Variants in BTBD8 observed in about 807,000 individuals in gnomAD.
The protein encoded by BTBD8 is BTB domain containing 8, also known as BTB/POZ domain-containing protein 8.
A neutral mutation model predicts 162.9 loss-of-function variants in BTBD8; 110 were observed. The ratio of observed to expected loss-of-function variants is 0.68; its 90% CI spans 0.58 to 0.79. The LOEUF (loss-of-function observed/expected upper bound fraction) is 0.79, where lower values mean the gene tolerates loss of function less well. BTBD8 is among the 30% of genes least tolerant of loss of function. BTBD8 has a pLI of 0.00. For missense variants in BTBD8, 1,905 were observed against 2,085.4 expected (o/e 0.91, Z 1.68); for synonymous variants, 667 against 716.1 (o/e 0.93, Z 1.10).
At chr1:92,122,299 A>C (rs946598064) in intron 4 of BTBD8, among the ~76,000 whole-genome samples, 2 of 151,280 alleles carry the variant, frequency 1.3e-5, no homozygotes, top group African/African-American at 2.4e-5. Context: ...TTGCTCTGTC[A>C]CCAGGCTGGA....
At chr1:92,144,988 C>T (rs867087707) in intron 7 of BTBD8, among the ~76,000 whole-genome samples, 2 of 151,184 alleles carry the variant, frequency 1.3e-5, no homozygotes, top group Middle Eastern at 3.2e-3. Flanking sequence ...ATGAGTCTCA[C>T]TCATTCAGTC....
Position 92,176,921 on chromosome 1 carries a change from T to G in BTBD8, c.1728T>G (p.Asn576Lys), listed in dbSNP as rs1214541897. The G allele has an allele frequency of 6.5e-7, 1 of 1,538,860 alleles. No individual in the cohort carries two copies. The highest frequency in any genetic ancestry group is 2.1e-5 in the Admixed American group (1 of 47,938). Residue 576 changes from asparagine to lysine, a missense_variant, in exon 14 of 18, where the codon AAT (asparagine) becomes AAG (lysine). Physicochemically the swap from Asn to Lys is moderately conservative, Grantham distance 94 (BLOSUM62 0). Coordinates refer to ENST00000636805, the MANE Select transcript of BTBD8 (RefSeq NM_001376131.1). ...AGTGTTGGAGTTATCTCTCTACTAA[T>G]AAAAAGATGAAATCTGATGGATTAG... ...KKECWSYLST[N>K]KKMKSDGLGA...
chr1:92,094,019 G>A lies in BTBD8; in HGVS notation c.347+5124G>A, dbSNP rs540299066. Among the ~76,000 whole-genome samples, 4 of 152,330 alleles carry A rather than the reference G, an allele frequency of 2.6e-5. No individual in the cohort carries two copies. In the South Asian group the frequency reaches 8.3e-4, roughly 32 times the overall value. On this transcript the variant is annotated intron_variant, in intron 2 of 17. Coordinates refer to ENST00000636805, the MANE Select transcript of BTBD8 (RefSeq NM_001376131.1). ...GAATTAGACCCAGTATGGGAGAGTG[G>A]AGGAAGCACTGGACTTGGCAGTAAG... is the stretch of plus-strand genomic sequence containing the variant.
At chr1:92,172,324 A>C (rs1308641867) in intron 13 of BTBD8, among the ~76,000 whole-genome samples, 1 of 152,190 alleles carries the variant, frequency 6.6e-6, no homozygotes, top group Non-Finnish European at 1.5e-5. Flanking sequence ...CAAGATGAAA[A>C]GTTTTCTGTT....
At chr1:92,183,279 T>C (rs1041570541) in intron 17 of BTBD8, among the ~76,000 whole-genome samples, 11 of 152,150 alleles carry the variant, frequency 7.2e-5, no homozygotes, top group African/African-American at 2.2e-4. Context: ...ATTTAAAATA[T>C]GCAATAGTGG....
intron 6 of BTBD8, chr1:92,139,699 AT>A (rs1198761117): frequency 2.1e-6 from 1 of 483,154 alleles, no homozygotes; most frequent in Non-Finnish European, 2.9e-6. Context: ...TTATAGATCA[AT>A]AAATTGATTA....
chr1:92,125,337 A>C, intron 4 of BTBD8: 1 of 213,048 alleles, frequency 4.7e-6, no homozygotes, highest in South Asian at 7.6e-5. Flanking sequence ...AGAGAGGAGG[A>C]GCATAGCCTT....
intron 12 of BTBD8, among the ~76,000 whole-genome samples, chr1:92,169,725 CA>C: frequency 6.6e-6 from 1 of 152,056 alleles, no homozygotes; most frequent in Non-Finnish European, 1.5e-5. Context: ...TTTTATGAAG[CA>C]AACATTTTAG....
chr1:92,094,321 C>G (rs1648393713), intron 2 of BTBD8, among the ~76,000 whole-genome samples: 1 of 152,140 alleles, frequency 6.6e-6, no homozygotes, highest in African/African-American at 2.4e-5. Context: ...GTGACGTACC[C>G]TTTTTTGGTT....
At chr1:92,159,178 T>C (rs895387271) in intron 9 of BTBD8, among the ~76,000 whole-genome samples, 5 of 151,094 alleles carry the variant, frequency 3.3e-5, no homozygotes, top group Non-Finnish European at 7.4e-5. Flanking sequence ...TTCTTTCTTT[T>C]TTTTTTTTTC....
chr1:92,121,503 G>A (rs1037618104), intron 4 of BTBD8, among the ~76,000 whole-genome samples: 1 of 152,096 alleles, frequency 6.6e-6, no homozygotes, highest in African/African-American at 2.4e-5. Flanking sequence ...ATTCACTAGG[G>A]AAGTTATCTT....
chr1:92,158,732 A>G (rs923739680), intron 9 of BTBD8, among the ~76,000 whole-genome samples: 22 of 152,192 alleles, frequency 1.4e-4, no homozygotes, highest in African/African-American at 5.3e-4. Context: ...AAATCTCTAT[A>G]CTTTCCTCTC....
At chr1:92,150,667 G>A (rs1481317835) in intron 9 of BTBD8, 2 of 152,198 alleles carry the variant, frequency 1.3e-5, no homozygotes, top group Non-Finnish European at 2.9e-5. Context: ...ACCCTGGACA[G>A]GATACCATTC....
At chr1:92,124,019 T>C (rs183880376) in intron 4 of BTBD8, among the ~76,000 whole-genome samples, 240 of 152,270 alleles carry the variant, frequency 1.6e-3, no homozygotes, top group African/African-American at 5.5e-3. Flanking sequence ...AATCCTGGGT[T>C]ATCTACTAAA....
At chr1:92,166,912 T>G in intron 9 of BTBD8, 46 bp from the exon 10 acceptor site, 3 of 1,478,796 alleles carry the variant, frequency 2.0e-6, no homozygotes, top group Non-Finnish European at 2.7e-6. Context: ...AGTTATTTTA[T>G]TAGCAGTAAT....
At chr1:92,138,379 CATAAAATGCTAAAATT>C (rs1649684059) in intron 5 of BTBD8, among the ~76,000 whole-genome samples, 1 of 152,212 alleles carries the variant, frequency 6.6e-6, no homozygotes, top group African/African-American at 2.4e-5. Context: ...CACTATCTCT[CATAAAATGCTAAAATT>C]TTGTAGCATT....
rs17578364 is a variant in BTBD8, at chr1:92,182,079, T to G, written c.4396T>G (p.Phe1466Val). 0.06 allele frequency: 92,368 copies of G among 1,551,286 alleles called. 3,276 individuals carry two copies. The highest frequency in any genetic ancestry group is 0.11 in the Admixed American group (5,515 of 50,996). Reference sequence around the variant, plus strand: ...TCCCTTTCAGGCTTCTGTAGATTCTTTTTCACCTTCTGATGTTTTTGATGG... The same window carrying G: ...TCCCTTTCAGGCTTCTGTAGATTCTGTTTCACCTTCTGATGTTTTTGATGG... Reference protein sequence around the residue: ...HTPFQASVDSFSPSDVFDGIS... With the variant: ...HTPFQASVDSVSPSDVFDGIS... The change falls in exon 17 of 18, where the codon TTT becomes GTT. Residue 1466 changes from phenylalanine (F) to valine (V), a missense_variant. Phe to Val is a conservative substitution (Grantham distance 50). Around this residue, in one of 3 missense-constraint regions of BTBD8, gnomAD observed 517 missense variants for 606.6 expected, o/e 0.85. Coordinates refer to ENST00000636805, the MANE Select transcript of BTBD8 (RefSeq NM_001376131.1).
intron 4 of BTBD8, among the ~76,000 whole-genome samples, chr1:92,118,592 CTG>C (rs1557445906): frequency 6.6e-6 from 1 of 151,916 alleles, no homozygotes; most frequent in African/African-American, 2.4e-5. Flanking sequence ...AAGGAAGTCA[CTG>C]TGTGTAGCCC....
rs1221847487 is a variant in BTBD8 at position 92,171,421 on chromosome 1, T to C, written c.1596T>C (p.Asp532=). The change falls in exon 13 of 18, where the codon GAT becomes GAC. Residue 532 remains aspartate, a synonymous_variant. Coordinates refer to ENST00000636805, the MANE Select transcript of BTBD8 (RefSeq NM_001376131.1). ...IQAAAFDKGD[D]RRLGKKPIFS... ...CAGCTGCATTTGACAAAGGTGATGA[T>C]CGAAGACTTGGCAAAAAGCCTATAT... The C allele has an allele frequency of 6.5e-7, 1 of 1,539,238 alleles. No homozygotes were observed. The highest frequency in any genetic ancestry group is 8.8e-7 in the Non-Finnish European group (1 of 1,140,616).
Sources: allele counts gnomAD v4.1 joint callset (sites outside exome capture counted in the v4.1 genomes callset), GRCh38; gene constraint gnomAD v4.1.1; regional missense constraint gnomAD v4.1.1; transcripts MANE v1.5; gene names NCBI Gene and HGNC (gene_info 2026-07-23, HGNC 2026-07-21).